The following EXTL3 variants were observed in gnomAD, a reference collection of about 807,000 sequenced individuals.
EXTL3 encodes the protein exostosin-like 3.
A neutral mutation model predicts 69.3 loss-of-function variants in EXTL3; 27 were observed. The observed-to-expected ratio is 0.39, with a 90% CI of 0.29 to 0.54. The LOEUF (loss-of-function observed/expected upper bound fraction) is 0.54, where lower values mean the gene tolerates loss of function less well. Ranked by LOEUF, EXTL3 falls within the 20% of genes least tolerant of loss-of-function variation. The pLI, the probability that EXTL3 is intolerant of heterozygous loss-of-function variation, is 0.69. For missense variants in EXTL3, 1,003 were observed against 1,231.8 expected (o/e 0.81, Z 2.78); for synonymous variants, 511 against 499.4 (o/e 1.02, Z -0.31).
chr8:28,707,129 T>A (rs914134219), intron 1 of EXTL3, among the ~76,000 whole-genome samples: 13 of 152,262 alleles, frequency 8.5e-5, no homozygotes, highest in African/African-American at 2.9e-4. Context: ...AGGTGTTCTT[T>A]AAAAAGATTG....
upstream of EXTL3, among the ~76,000 whole-genome samples, chr8:28,618,822 C>T (rs1317299617): frequency 2.0e-5 from 3 of 151,942 alleles, no homozygotes; most frequent in African/African-American, 4.8e-5. Context: ...TGGTGGCTCA[C>T]GCCTCTAATC....
chr8:28,682,608 A>C lies in EXTL3; in HGVS notation c.-52-30849A>C, dbSNP rs77129959. 9.2e-5 allele frequency among the ~76,000 whole-genome samples: 14 copies of C among 152,098 alleles called. No individual in the cohort carries two copies. The East Asian group carries it at 1.7e-3, about 19-fold the overall frequency. On this transcript the variant is annotated intron_variant, in intron 1 of 6. Transcript: ENST00000523149. The stretch of plus-strand genomic sequence containing the variant: ...CAGGCGTGTGCCACCATGCCTGGCT[A>C]ATTTTTTGTATTTCTAGTAGAGATG...
At chr8:28,660,461 C>T (rs1807089180) in intron 1 of EXTL3, among the ~76,000 whole-genome samples, 2 of 152,070 alleles carry the variant, frequency 1.3e-5, no homozygotes, top group South Asian at 2.1e-4. Context: ...TACACACACA[C>T]TCCCAATTAT....
At chr8:28,666,109 C>T (rs1010233006) in intron 1 of EXTL3, among the ~76,000 whole-genome samples, 2 of 152,164 alleles carry the variant, frequency 1.3e-5, no homozygotes, top group Admixed American at 6.5e-5. Flanking sequence ...TTTCTTTTTG[C>T]GCCTCTTATT....
intron 1 of EXTL3, among the ~76,000 whole-genome samples, chr8:28,643,838 T>G (rs1297862339): frequency 6.6e-6 from 1 of 152,196 alleles, no homozygotes; most frequent in East Asian, 1.9e-4. Flanking sequence ...CAATCACAGC[T>G]CACTGTAGGT....
intron 3 of EXTL3, among the ~76,000 whole-genome samples, chr8:28,720,071 A>G (rs903519365): frequency 1.3e-5 from 2 of 152,144 alleles, no homozygotes; most frequent in African/African-American, 4.8e-5. Context: ...ATAGCTTCAG[A>G]TGGAGAATTT....
chr8:28,717,622 C>CAGCAGTAAAAAT lies in EXTL3; in HGVS notation c.1564_1565insGCAGTAAAAATA (p.Ser521_Thr522insSerSerLysAsn). On this transcript the variant is annotated inframe_insertion, in exon 3 of 7. Coordinates refer to ENST00000220562, the MANE Select transcript of EXTL3 (RefSeq NM_001440.4). The surrounding 1 kb of genome is among the most constrained non-coding windows in gnomAD (Gnocchi z 8.3). ...GCTTTCTCTGGGAGACTTACTTCTC[C>CAGCAGTAAAAAT]ACTGCTGACAGTATTTTTAATACCG... is the stretch of plus-strand genomic sequence containing the variant. 1 of 1,614,238 alleles carries CAGCAGTAAAAAT rather than the reference C, an allele frequency of 6.2e-7. No homozygotes were observed. Among genetic ancestry groups the CAGCAGTAAAAAT allele is most frequent in the Non-Finnish European group, 8.5e-7 (1 of 1,180,050 alleles).
chr8:28,608,109 C>CAA (rs1158457543), intron 2 of EXTL3, among the ~76,000 whole-genome samples: 1 of 103,896 alleles, frequency 9.6e-6, no homozygotes, highest in Non-Finnish European at 2.0e-5. Context: ...GACACCATCT[C>CAA]AAAAAAAAAA....
intron 1 of EXTL3, among the ~76,000 whole-genome samples, chr8:28,668,461 A>G (rs1315280326): frequency 6.6e-6 from 1 of 150,614 alleles, no homozygotes; most frequent in Non-Finnish European, 1.5e-5. Flanking sequence ...CCTCACCAGT[A>G]GCTGGGATTA....
intron 1 of EXTL3, among the ~76,000 whole-genome samples, chr8:28,665,532 C>T (rs1010127684): frequency 2.6e-5 from 4 of 151,622 alleles, no homozygotes; most frequent in African/African-American, 9.7e-5. Context: ...CCACCTCAGC[C>T]TCCCAAGTAG....
In EXTL3 at chr8:28,640,366, C is replaced by T. The variant is rs368850890; in HGVS notation, c.-53+17556C>T. Among the ~76,000 whole-genome samples the T allele has an allele frequency of 3.3e-5, 5 of 151,968 alleles. No individual in the cohort carries two copies. The East Asian group carries it at 7.7e-4, about 23-fold the overall frequency. ...CTCTTTATTTATGTGCTTATGGTTC[C>T]CCCTTAACAAACGGTAAAGTTTGAG... On this transcript the variant is annotated intron_variant, in intron 1 of 6. Coordinates refer to the EXTL3 transcript ENST00000523149.
rs1437452508 is a variant in EXTL3, at chr8:28,750,574, T to G, written c.2551-83T>G. 8.0e-6 allele frequency: 9 copies of G among 1,120,330 alleles called. No individual in the cohort carries two copies. Among genetic ancestry groups the G allele is most frequent in the Non-Finnish European group, 1.2e-5 (9 of 738,924 alleles). The allele number at this position is 1,120,330 out of a possible 1,614,324, so 69.4% of individuals were successfully genotyped here. On this transcript the variant is annotated intron_variant, in intron 6 of 6. Transcript: ENST00000220562. This position sits in a 1 kb window ranked among gnomAD's most constrained non-coding sequence, Gnocchi z 5.2. ...GGGATCAGCGTCTTCACCATGGACA[T>G]GGGAGTGTGGGATCGGCTCAGCTGC...
rs753849077 is a variant in EXTL3, at chr8:28,716,412, A to G, written c.353A>G (p.Lys118Arg). The change falls in exon 3 of 7, where the codon AAG becomes AGG. Residue 118 changes from lysine to arginine, a missense_variant. Physicochemically the swap from Lys to Arg is conservative, Grantham distance 26 (BLOSUM62 2). This residue lies in a region of EXTL3 where 742 missense variants were observed against 815.4 expected (regional missense o/e 0.91). Coordinates refer to ENST00000220562, the MANE Select transcript of EXTL3 (RefSeq NM_001440.4). The surrounding 1 kb of genome is among the most constrained non-coding windows in gnomAD (Gnocchi z 7.1). Reference sequence around the variant, plus strand: ...CTGAATCTGAAGATCGAAGCCTGTAAGAAGAGCATTGAGAACGCCAAGCAG... The same window carrying G: ...CTGAATCTGAAGATCGAAGCCTGTAGGAAGAGCATTGAGAACGCCAAGCAG... ...AKLNLKIEAC[K>R]KSIENAKQDL... 2 of 1,613,912 alleles carry G rather than the reference A, an allele frequency of 1.2e-6. No individual in the cohort carries two copies. Among genetic ancestry groups the G allele is most frequent in the East Asian group, 2.2e-5 (1 of 44,886 alleles).
intron 6 of EXTL3, among the ~76,000 whole-genome samples, chr8:28,749,552 C>T (rs1192299084): frequency 3.3e-5 from 5 of 152,208 alleles, no homozygotes; most frequent in Non-Finnish European, 7.3e-5. Context: ...TGTCACTTCT[C>T]CAGCCCATTT....
upstream of EXTL3, among the ~76,000 whole-genome samples, chr8:28,620,472 C>T (rs1434330864): frequency 7.9e-5 from 12 of 152,272 alleles, no homozygotes; most frequent in East Asian, 2.3e-3. Context: ...TAACTGCCAA[C>T]CCCTGTCCTC....
At chr8:28,744,888 A>C (rs753504280) in intron 6 of EXTL3, among the ~76,000 whole-genome samples, 3 of 151,770 alleles carry the variant, frequency 2.0e-5, no homozygotes, top group African/African-American at 4.8e-5. Context: ...GCTTGAATCC[A>C]GGAGGCAGAG....
chr8:28,742,926 A>G, intron 5 of EXTL3, 160 bp from the exon 6 acceptor site: 1 of 761,042 alleles, frequency 1.3e-6, no homozygotes, highest in East Asian at 2.5e-5. Context: ...GATCCACACG[A>G]CAGGATGTCT....
chr8:28,632,871 C>G (rs1416593048), intron 1 of EXTL3, among the ~76,000 whole-genome samples: 2 of 152,032 alleles, frequency 1.3e-5, no homozygotes, highest in African/African-American at 4.8e-5. Context: ...TTCTTAATAG[C>G]AACTCTCTGT....
chr8:28,698,759 C>T (rs1234985049), upstream of EXTL3, among the ~76,000 whole-genome samples: 5 of 152,052 alleles, frequency 3.3e-5, no homozygotes, highest in Non-Finnish European at 2.9e-5. Flanking sequence ...TTTGGGAGGC[C>T]GAGGTGGGCG....
Sources: allele counts gnomAD v4.1 joint callset (sites outside exome capture counted in the v4.1 genomes callset), GRCh38; gene constraint gnomAD v4.1.1; regional missense constraint gnomAD v4.1.1; non-coding constraint Gnocchi (gnomAD v3.1); transcripts MANE v1.5; gene names NCBI Gene and HGNC (gene_info 2026-07-23, HGNC 2026-07-21).